The following LMO7 variants were observed in gnomAD, a reference collection of about 807,000 sequenced individuals.
LMO7 encodes LIM domain only protein 7.
Under a neutral mutation model 206.5 loss-of-function variants are expected in LMO7, and 120 were observed. The observed-to-expected ratio is 0.58, with a 90% CI of 0.50 to 0.68. LMO7 has a LOEUF of 0.68. Ranked by LOEUF, LMO7 falls within the 30% of genes least tolerant of loss-of-function variation. The pLI, the probability that LMO7 is intolerant of heterozygous loss-of-function variation, is 0.00. For synonymous variants in LMO7, 706 were observed against 681.5 expected (o/e 1.04, Z -0.56); for missense variants, 1,959 against 1,957.9 (o/e 1.00, Z -0.01).
intron 26 of LMO7, among the ~76,000 whole-genome samples, chr13:75,847,961 C>CTATTTATTTATTTATT (rs78574463): frequency 6.6e-6 from 1 of 151,780 alleles, no homozygotes; most frequent in Non-Finnish European, 1.5e-5. Flanking sequence ...TATCCAGTCA[C>CTATTTATTTATTTATT]TATTTATTTA....
intron 1 of LMO7, among the ~76,000 whole-genome samples, chr13:75,704,917 T>C (rs1338114084): frequency 1.3e-5 from 2 of 152,176 alleles, no homozygotes; most frequent in Non-Finnish European, 2.9e-5. Context: ...GCTAAAGAAA[T>C]GGGGTTTTTT....
intron 28 of LMO7, among the ~76,000 whole-genome samples, chr13:75,853,955 G>A (rs192129812): frequency 7.2e-5 from 11 of 152,322 alleles, no homozygotes; most frequent in Admixed American, 3.3e-4. Flanking sequence ...TTGCTTGGGC[G>A]TTCTGTTTGC....
intron 3 of LMO7, among the ~76,000 whole-genome samples, chr13:75,754,181 C>G (rs1356127841): frequency 6.6e-6 from 1 of 152,188 alleles, no homozygotes; most frequent in African/African-American, 2.4e-5. Context: ...TGGTTTCTCC[C>G]CATTTCCTCC....
At chr13:75,780,637 G>A (rs1273739559) in intron 4 of LMO7, among the ~76,000 whole-genome samples, 1 of 152,196 alleles carries the variant, frequency 6.6e-6, no homozygotes, top group Non-Finnish European at 1.5e-5. Context: ...TTAAGAAGAT[G>A]ACGGGATTAA....
chr13:75,699,009 T>C (rs538784253), intron 1 of LMO7, among the ~76,000 whole-genome samples: 1 of 152,300 alleles, frequency 6.6e-6, no homozygotes, highest in South Asian at 2.1e-4. Flanking sequence ...ATTAATCTGC[T>C]TTTTGTTCCT....
At chr13:75,710,514 A>T (rs1185946807) in intron 1 of LMO7, among the ~76,000 whole-genome samples, 6 of 151,812 alleles carry the variant, frequency 4.0e-5, no homozygotes, top group African/African-American at 1.2e-4. Context: ...GGTCCTTCAC[A>T]TCCCTTGTAA....
intron 29 of LMO7, 111 bp downstream of exon 29, chr13:75,855,479 C>T (rs1259274938): frequency 2.1e-5 from 13 of 618,814 alleles, no homozygotes; most frequent in East Asian, 1.7e-4. Flanking sequence ...GTGCTGTATT[C>T]GTCCATCTGT....
At chr13:75,628,204 T>C (rs949243341) in intron 2 of LMO7, 34 of 152,348 alleles carry the variant, frequency 2.2e-4, no homozygotes, top group African/African-American at 8.2e-4. Context: ...CTTGCCTTTG[T>C]CCACTGGGTG....
At position 75,857,912 on chromosome 13, in the gene LMO7, C is replaced by T; in HGVS notation, c.4874-9C>T. ...AGCACTTTTCTTTCTTTTCTCCTTG[C>T]CCGATCAGCTGGACGGCCAACCGCC... is the stretch of plus-strand genomic sequence containing the variant. On this transcript the variant is annotated splice_polypyrimidine_tract_variant and intron_variant, in intron 30 of 30. Coordinates refer to ENST00000377534, the MANE Select transcript of LMO7 (RefSeq NM_001306080.2). 2 of 1,591,334 alleles carry T rather than the reference C, an allele frequency of 1.3e-6. No individual in the cohort carries two copies. Among genetic ancestry groups the T allele is most frequent in the East Asian group, 2.3e-5 (1 of 44,188 alleles).
chr13:75,636,188 GGCGGCC>G (rs1012913220), upstream of LMO7: 2 of 576,434 alleles, frequency 3.5e-6, no homozygotes, highest in African/African-American at 2.0e-5. Context: ...TGACCACAGA[GGCGGCC>G]GCGGCCGGGA....
chr13:75,737,787 A>C (rs1198642241), intron 3 of LMO7, among the ~76,000 whole-genome samples: 1 of 110,806 alleles, frequency 9.0e-6, no homozygotes, highest in Non-Finnish European at 2.0e-5. Flanking sequence ...TAAAATAAAA[A>C]AAAAAAAAAA....
rs1173330064 is a variant in LMO7 at position 75,849,249 on chromosome 13, A to G, written c.4321A>G (p.Ser1441Gly). The G allele has an allele frequency of 1.9e-6, 3 of 1,614,050 alleles. No individual in the cohort carries two copies. In the African/African-American group the frequency reaches 4.0e-5, roughly 22 times the overall value. The change falls in exon 27 of 31, where the codon AGT becomes GGT. Residue 1441 changes from serine to glycine, a missense_variant. Transcript: ENST00000377534. ...DNSWIRQRSA[S>G]VNKEPVSLPG... Reference sequence around the variant, plus strand: ...CAGCTGGATCCGACAGCGCAGTGCCAGTGTCAACAAAGAGCCTGTTAGTCT... The same window carrying G: ...CAGCTGGATCCGACAGCGCAGTGCCGGTGTCAACAAAGAGCCTGTTAGTCT...
At chr13:75,734,890 G>T (rs1162981491) in intron 3 of LMO7, among the ~76,000 whole-genome samples, 1 of 152,126 alleles carries the variant, frequency 6.6e-6, no homozygotes, top group Non-Finnish European at 1.5e-5. Context: ...ACAAGGTCAG[G>T]AGATGACGAC....
intron 15 of LMO7, among the ~76,000 whole-genome samples, chr13:75,832,807 T>G (rs1197815992): frequency 6.6e-6 from 1 of 152,100 alleles, no homozygotes; most frequent in Non-Finnish European, 1.5e-5. Flanking sequence ...ATTAAAGTAT[T>G]AATATGAAGA....
intron 4 of LMO7, among the ~76,000 whole-genome samples, chr13:75,761,966 AG>A (rs1384239067): frequency 6.6e-6 from 1 of 152,176 alleles, no homozygotes; most frequent in Non-Finnish European, 1.5e-5. Flanking sequence ...AACCTTTAAT[AG>A]TTATTTTTAA....
In LMO7 at chr13:75,834,268, T is replaced by C; in HGVS notation, c.3107T>C (p.Ile1036Thr). ...TCTCAGCTACAAGTAGATGATGAAA[T>C]TATTGCTATTAACAACACCAAGTTT... ...EFSQLQVDDE[I>T]IAINNTKFSY... Residue 1036 changes from isoleucine to threonine, a missense_variant, in exon 17 of 31, where the codon ATT becomes ACT. By Grantham distance (89) the Ile-to-Thr change is moderately conservative (BLOSUM62 -1). Coordinates refer to ENST00000377534, the MANE Select transcript of LMO7 (RefSeq NM_001306080.2). The C allele has an allele frequency of 6.2e-7, 1 of 1,609,544 alleles. No individual in the cohort carries two copies. Among genetic ancestry groups the C allele is most frequent in the Non-Finnish European group, 8.5e-7 (1 of 1,177,868 alleles).
intron 4 of LMO7, among the ~76,000 whole-genome samples, chr13:75,761,748 C>G (rs897330884): frequency 2.0e-5 from 3 of 151,898 alleles, no homozygotes; most frequent in Non-Finnish European, 2.9e-5. Flanking sequence ...TCCAGGCAAT[C>G]AATAATCATG....
At chr13:75,843,075 G>C (rs1047294815) in intron 25 of LMO7, among the ~76,000 whole-genome samples, 159 bp downstream of exon 25, 1 of 152,236 alleles carries the variant, frequency 6.6e-6, no homozygotes, top group African/African-American at 2.4e-5. Flanking sequence ...AGCTTTTGCT[G>C]TGTAACAACT....
chr13:75,625,463 ATGTG>A (rs1019548329), intron 2 of LMO7, among the ~76,000 whole-genome samples: 2 of 142,476 alleles, frequency 1.4e-5, no homozygotes, highest in Admixed American at 7.0e-5. Context: ...GTGCATGTGC[ATGTG>A]TGTGTGTGGT....
Sources: gnomAD v4.1 joint callset for allele counts (sites outside exome capture counted in the v4.1 genomes callset) on GRCh38, gnomAD v4.1.1 for gene constraint, MANE v1.5 for transcripts, NCBI Gene and HGNC (gene_info 2026-07-23, HGNC 2026-07-21) for gene names.